The following THOC6 variants were observed in gnomAD, a reference collection of about 807,000 sequenced individuals.
THOC6 encodes the protein THO complex 6.
Under a neutral mutation model 55.8 loss-of-function variants are expected in THOC6, and 39 were observed. The observed-to-expected ratio is 0.70, with a 90% CI of 0.54 to 0.91. The LOEUF (loss-of-function observed/expected upper bound fraction) is 0.91, where lower values mean the gene tolerates loss of function less well. Ranked by LOEUF, THOC6 falls within the 40% of genes least tolerant of loss-of-function variation. The pLI, the probability that THOC6 is intolerant of heterozygous loss-of-function variation, is 0.00. For missense variants in THOC6, 482 were observed against 442.0 expected (o/e 1.09, Z -0.81); for synonymous variants, 192 against 175.6 (o/e 1.09, Z -0.74).
In THOC6 at chr16:3,026,626, A is replaced by AG. The variant is rs779695761; in HGVS notation, c.483+42dup. ...TGGAGCCCTAGAGCAGGTCTAGGTC[A>AG]GGGAGAGGCACTCTTCCTAGGTCTC... On this transcript the variant is annotated intron_variant, in intron 7 of 12. Coordinates refer to ENST00000326266, the MANE Select transcript of THOC6 (RefSeq NM_024339.5). The AG allele has an allele frequency of 2.5e-6, 4 of 1,612,388 alleles. No individual in the cohort carries two copies. The South Asian group carries it at 4.4e-5, about 18-fold the overall frequency.
rs758037433 is a variant in THOC6 at position 3,027,077 on chromosome 16, A to T, written c.699+4A>T. ...GGCAACTGATTCCGACTGGATGGTG[A>T]GCTGGGCAGACTGTGGGATGGGATG... On this transcript the variant is annotated splice_donor_region_variant and intron_variant, in intron 10 of 12. Coordinates refer to ENST00000326266, the MANE Select transcript of THOC6 (RefSeq NM_024339.5). The T allele has an allele frequency of 1.2e-6, 2 of 1,614,068 alleles. No homozygotes were observed. The highest frequency in any genetic ancestry group is 1.7e-6 in the Non-Finnish European group (2 of 1,180,006).
chr16:3,025,554 G>A (rs1334874050), intron 1 of THOC6, among the ~76,000 whole-genome samples, 154 bp from the exon 2 acceptor site: 1 of 152,248 alleles, frequency 6.6e-6, no homozygotes, highest in Non-Finnish European at 1.5e-5. Flanking sequence ...GGGACTGCAT[G>A]GGCAGGTGCT....
chr16:3,026,638 T>A, intron 7 of THOC6, 41 bp from the exon 8 acceptor site: 1 of 1,610,942 alleles, frequency 6.2e-7, no homozygotes, highest in East Asian at 2.2e-5. Flanking sequence ...GGAGAGGCAC[T>A]CTTCCTAGGT....
rs374553238 is a variant in THOC6 at position 3,026,313 on chromosome 16, G to A, written c.362+25G>A. The A allele has an allele frequency of 9.9e-6, 16 of 1,613,848 alleles. No individual in the cohort carries two copies. The African/African-American group carries it at 1.7e-4, about 18-fold the overall frequency. Reference sequence around the variant, plus strand: ...GGTGAGCAGGGCCACGTGGATAGAGGGTGCATCAGGGTGAAGCCACTTCCT... The same window carrying A: ...GGTGAGCAGGGCCACGTGGATAGAGAGTGCATCAGGGTGAAGCCACTTCCT... On this transcript the variant is annotated intron_variant, in intron 5 of 12. Coordinates refer to ENST00000326266, the MANE Select transcript of THOC6 (RefSeq NM_024339.5).
Position 3,026,970 on chromosome 16 carries a change from C to G in THOC6, c.637-41C>G, listed in dbSNP as rs765440475. 3.1e-6 allele frequency: 5 copies of G among 1,614,080 alleles called. No individual in the cohort carries two copies. The African/African-American group carries it at 6.7e-5, about 22-fold the overall frequency. ...CTTCTCCCCCAACTCCTTGAATTCT[C>G]CAGGTCTTCACCTCTTTCCCTCCTC... On this transcript the variant is annotated intron_variant, in intron 9 of 12. Transcript: ENST00000326266.
chr16:3,026,286 C>T lies in THOC6; in HGVS notation c.360C>T (p.Tyr120=). The change falls in exon 5 of 13, where the codon TAC becomes TAT. Residue 120 remains tyrosine (Y), a splice_region_variant and synonymous_variant. Transcript: ENST00000326266. ...CKELWRRQPP[Y]RTSLEVPEIN... ...AGCTGTGGCGTCGTCAGCCTCCATA[C>T]AGGTGAGCAGGGCCACGTGGATAGA... 6.2e-7 allele frequency: 1 copy of T among 1,614,132 alleles called. No homozygotes were observed. Among genetic ancestry groups the T allele is most frequent in the Middle Eastern group, 1.6e-4 (1 of 6,062 alleles).
In THOC6 at chr16:3,025,782, T is replaced by C; in HGVS notation, c.114T>C (p.Phe38=). The change falls in exon 2 of 13, where the codon TTT becomes TTC. Residue 38 remains phenylalanine (F), a synonymous_variant. Coordinates refer to ENST00000326266, the MANE Select transcript of THOC6 (RefSeq NM_024339.5). ...AGAGCGTCTCACCATGTGGGAAGTT[T>C]CTGGCGGCTGGCAACAATTACGGGC... The part of the protein sequence containing the change: ...FSQSVSPCGK[F]LAAGNNYGQI... 1 of 1,614,218 alleles carries C rather than the reference T, an allele frequency of 6.2e-7. No homozygotes were observed. The highest frequency in any genetic ancestry group is 1.1e-5 in the South Asian group (1 of 91,084).
Position 3,024,043 on chromosome 16 carries a change from G to A in THOC6, c.-284G>A, listed in dbSNP as rs909651305. On this transcript the variant is annotated 5_prime_UTR_variant, in exon 1 of 13. Transcript: ENST00000326266. ...CGTGGCTTTAGGCGGGCACAGCCGCGAGGTTCTGCGCGGGCGCGGAAGACG... is the reference window on the plus strand; with the variant it reads ...CGTGGCTTTAGGCGGGCACAGCCGCAAGGTTCTGCGCGGGCGCGGAAGACG... 5 of 978,584 alleles carry A rather than the reference G, an allele frequency of 5.1e-6. No individual in the cohort carries two copies. In the Admixed American group the frequency reaches 8.1e-5, roughly 16 times the overall value. The allele number at this position is 978,584 out of a possible 1,614,324, so 60.6% of individuals were successfully genotyped here.
chr16:3,026,340 A>T, intron 5 of THOC6, 25 bp from the exon 6 acceptor site: 2 of 1,613,998 alleles, frequency 1.2e-6, no homozygotes, highest in Non-Finnish European at 1.7e-6. Flanking sequence ...CCACTTCCTC[A>T]CTGACCTTGC....
chr16:3,024,360 G>T lies in THOC6; in HGVS notation c.34G>T (p.Gly12Cys). The T allele has an allele frequency of 2.5e-6, 4 of 1,614,172 alleles. No homozygotes were observed. In the African/African-American group the frequency reaches 5.3e-5, roughly 22 times the overall value. ...AGCTGTGCCGCTCGCGGTGCCTCTG[G>T]GTCAGGTGAGACGGACGTGGTGCGC... is the stretch of plus-strand genomic sequence containing the variant. The part of the protein sequence containing the change: ...ERAVPLAVPL[G>C]QTEVFQALQR... The change falls in exon 1 of 13, where the codon GGT (glycine) becomes TGT (cysteine). Residue 12 changes from glycine (G) to cysteine (C), a missense_variant. Coordinates refer to ENST00000326266, the MANE Select transcript of THOC6 (RefSeq NM_024339.5).
In THOC6 at chr16:3,025,689, A is replaced by G. The variant is rs1316115060; in HGVS notation, c.40-19A>G. The G allele has an allele frequency of 1.2e-6, 2 of 1,609,532 alleles. No homozygotes were observed. The highest frequency in any genetic ancestry group is 2.7e-5 in the African/African-American group (2 of 74,836). ...GTTTCATACGTCCCAGGCAGGCCTC[A>G]TCCAGTCTTTCCCTGCAGACAGAGG... On this transcript the variant is annotated intron_variant, in intron 1 of 12. Transcript: ENST00000326266.
At chr16:3,027,128 G>A (rs749525360) in intron 10 of THOC6, 42 bp from the exon 11 acceptor site, 5 of 1,613,740 alleles carry the variant, frequency 3.1e-6, no homozygotes, top group Non-Finnish European at 4.2e-6. Flanking sequence ...GTCAGCTGTG[G>A]GCCTGTGGTT....
Position 3,026,433 on chromosome 16 carries a change from G to A in THOC6, c.411+20G>A. Reference sequence around the variant, plus strand: ...CCCAAGGTCTGAGCCCCATGTGACTGTTCTTGGTCCAAACTTTGATCCTTC... The same window carrying A: ...CCCAAGGTCTGAGCCCCATGTGACTATTCTTGGTCCAAACTTTGATCCTTC... On this transcript the variant is annotated intron_variant, in intron 6 of 12. Transcript: ENST00000326266. 6.2e-7 allele frequency: 1 copy of A among 1,614,110 alleles called. No individual in the cohort carries two copies. Among genetic ancestry groups the A allele is most frequent in the Non-Finnish European group, 8.5e-7 (1 of 1,180,018 alleles).
At chr16:3,025,624 C>A in intron 1 of THOC6, 84 bp from the exon 2 acceptor site, 1 of 1,316,494 alleles carries the variant, frequency 7.6e-7, no homozygotes, top group Non-Finnish European at 1.1e-6. Context: ...GGAGGCCTGG[C>A]AGGTTTTGGG....
At chr16:3,025,685 C>A (rs764933588) in intron 1 of THOC6, 23 bp from the exon 2 acceptor site, 2 of 1,604,474 alleles carry the variant, frequency 1.2e-6, no homozygotes, top group South Asian at 1.1e-5. Context: ...CCCAGGCAGG[C>A]CTCATCCAGT....
Position 3,026,721 on chromosome 16 carries a change from C to G in THOC6, c.526C>G (p.Leu176Val), listed in dbSNP as rs1879845652. 1.2e-6 allele frequency: 2 copies of G among 1,613,796 alleles called. No homozygotes were observed. The highest frequency in any genetic ancestry group is 1.7e-6 in the Non-Finnish European group (2 of 1,179,906). ...CACAGACTACATCCACTGCCTGGCA[C>G]TGCGGGAAAGGAGCCCAGAGGTGCT... ...GHTDYIHCLALRERSPEVLSG... is the reference protein window; with the variant it reads ...GHTDYIHCLAVRERSPEVLSG... The change falls in exon 8 of 13, where the codon CTG becomes GTG. Residue 176 changes from leucine to valine, a missense_variant. Physicochemically the swap from Leu to Val is conservative, Grantham distance 32 (BLOSUM62 1). Transcript: ENST00000326266.
At chr16:3,026,457 T>G in intron 6 of THOC6, 44 bp downstream of exon 6, 1 of 1,614,114 alleles carries the variant, frequency 6.2e-7, no homozygotes, top group Non-Finnish European at 8.5e-7. Flanking sequence ...CTTTGATCCT[T>G]CACCCTCTGC....
rs2072720109 is a variant in THOC6 at position 3,024,249 on chromosome 16, A to G, written c.-78A>G. ...CGCCGAAGGCGGTAGGGCGCCACGG[A>G]GAGGAACCGCTCTAGGCACGTAAGG... is the stretch of plus-strand genomic sequence containing the variant. On this transcript the variant is annotated 5_prime_UTR_variant, in exon 1 of 13. Coordinates refer to ENST00000326266, the MANE Select transcript of THOC6 (RefSeq NM_024339.5). 4 of 1,587,258 alleles carry G rather than the reference A, an allele frequency of 2.5e-6. No individual in the cohort carries two copies. The highest frequency in any genetic ancestry group is 3.5e-6 in the Non-Finnish European group (4 of 1,157,702).
intron 1 of THOC6, among the ~76,000 whole-genome samples, chr16:3,025,414 G>A (rs1021233598): frequency 6.6e-6 from 1 of 152,230 alleles, no homozygotes; most frequent in Non-Finnish European, 1.5e-5. Context: ...ATCTAATTGT[G>A]ATGGAATCTT....
Sources: gnomAD v4.1 joint callset for allele counts (sites outside exome capture counted in the v4.1 genomes callset) on GRCh38, gnomAD v4.1.1 for gene constraint, MANE v1.5 for transcripts, NCBI Gene and HGNC (gene_info 2026-07-23, HGNC 2026-07-21) for gene names.